Variants in JARID2 observed in about 807,000 individuals in gnomAD.
JARID2 encodes the protein protein Jumonji.
Under a neutral mutation model 125.6 loss-of-function variants are expected in JARID2, and 21 were observed. The observed-to-expected ratio is 0.17, with a 90% CI of 0.12 to 0.24. The LOEUF is 0.24. JARID2 is among the 10% of genes least tolerant of loss of function. The probability of loss-of-function intolerance (pLI) is 1.00; values close to 1 mark genes in which losing one functional copy is unlikely to be tolerated. For missense variants in JARID2, 1,303 were observed against 1,639.6 expected (o/e 0.79, Z 3.55); for synonymous variants, 736 against 661.6 (o/e 1.11, Z -1.73).
chr6:15,331,914 A>G (rs1183345751), intron 1 of JARID2, among the ~76,000 whole-genome samples: 1 of 152,154 alleles, frequency 6.6e-6, no homozygotes, highest in African/African-American at 2.4e-5. Context: ...AGAAAATTCT[A>G]ATTCATAAGT....
chr6:15,419,531 C>T (rs1019706706), intron 3 of JARID2, among the ~76,000 whole-genome samples: 2 of 152,120 alleles, frequency 1.3e-5, no homozygotes, highest in Non-Finnish European at 2.9e-5. Flanking sequence ...GTTGATCATT[C>T]AGCTTTTGTA....
chr6:15,484,263 G>T (rs1355813956), intron 5 of JARID2, among the ~76,000 whole-genome samples: 1 of 152,148 alleles, frequency 6.6e-6, no homozygotes, highest in South Asian at 2.1e-4. Flanking sequence ...AGTGATACTG[G>T]CAAGTGTTAG....
intron 1 of JARID2, among the ~76,000 whole-genome samples, chr6:15,334,738 A>AG (rs1179524549): frequency 1.3e-5 from 2 of 152,192 alleles, no homozygotes; most frequent in African/African-American, 2.4e-5. Context: ...CTCTAGATAC[A>AG]GAAGGCCTTT....
intron 2 of JARID2, among the ~76,000 whole-genome samples, chr6:15,399,202 CACCTCT>C (rs1765330283): frequency 6.6e-6 from 1 of 152,164 alleles, no homozygotes; most frequent in Non-Finnish European, 1.5e-5. Context: ...CATTGGAGAG[CACCTCT>C]TCTCCAGCCT....
chr6:15,362,541 G>A (rs1763835317), intron 1 of JARID2, among the ~76,000 whole-genome samples: 1 of 152,178 alleles, frequency 6.6e-6, no homozygotes, highest in Non-Finnish European at 1.5e-5. Context: ...CCTATGAGAT[G>A]CTCATACCTT....
intron 1 of JARID2, among the ~76,000 whole-genome samples, chr6:15,301,351 A>G (rs1322216981): frequency 6.6e-6 from 1 of 152,172 alleles, no homozygotes; most frequent in Non-Finnish European, 1.5e-5. Flanking sequence ...ACTTTCTGTC[A>G]TGAGTTCTAT....
At chr6:15,414,779 G>C (rs1230865264) in intron 3 of JARID2, among the ~76,000 whole-genome samples, 1 of 151,654 alleles carries the variant, frequency 6.6e-6, no homozygotes, top group Non-Finnish European at 1.5e-5. Context: ...TTTTTTAAAT[G>C]ATATATTTAC....
chr6:15,498,737 G>T lies in JARID2; in HGVS notation c.1945+1567G>T, dbSNP rs1034115970. On this transcript the variant is annotated intron_variant, in intron 7 of 17. Transcript: ENST00000341776. Reference sequence around the variant, plus strand: ...GAGTGACAGTCACCTTAACTTGCAAGAGTTCTTGGTTTGTGCTCTGCTGTT... The same window carrying T: ...GAGTGACAGTCACCTTAACTTGCAATAGTTCTTGGTTTGTGCTCTGCTGTT... Among the ~76,000 whole-genome samples, 3 of 152,252 alleles carry T rather than the reference G, an allele frequency of 2.0e-5. No individual in the cohort carries two copies. The East Asian group carries it at 5.8e-4, about 29-fold the overall frequency.
intron 2 of JARID2, chr6:15,400,883 C>A: frequency 7.8e-7 from 1 of 1,288,072 alleles, no homozygotes; most frequent in South Asian, 1.2e-5. Context: ...TGCCTCACTG[C>A]GCTCTTCCTC....
chr6:15,468,510 G>A, intron 4 of JARID2, 32 bp from the exon 5 acceptor site: 1 of 1,593,226 alleles, frequency 6.3e-7, no homozygotes, highest in Non-Finnish European at 8.6e-7. Context: ...GTCAAGGCCT[G>A]TGTTTATGAG....
intron 4 of JARID2, among the ~76,000 whole-genome samples, chr6:15,463,419 C>T (rs1003995556): frequency 1.6e-5 from 2 of 125,974 alleles, no homozygotes; most frequent in Non-Finnish European, 3.1e-5. Flanking sequence ...GTTGTGGAGC[C>T]CTTTCCTTTT....
chr6:15,426,382 G>T (rs1324455012), intron 3 of JARID2, among the ~76,000 whole-genome samples: 1 of 152,162 alleles, frequency 6.6e-6, no homozygotes, highest in Non-Finnish European at 1.5e-5. Context: ...TGAGCTGGAG[G>T]CAAGATGGTT....
intron 2 of JARID2, among the ~76,000 whole-genome samples, chr6:15,381,220 G>A (rs1396200915): frequency 3.3e-5 from 5 of 151,254 alleles, no homozygotes; most frequent in African/African-American, 1.2e-4. Context: ...TTAGCCGGGC[G>A]TGGTGGCGGG....
At chr6:15,368,630 G>A (rs1764057935) in intron 1 of JARID2, 1 of 453,360 alleles carries the variant, frequency 2.2e-6, no homozygotes. Flanking sequence ...GTCACGTAAG[G>A]AATGATTAAA....
intron 1 of JARID2, chr6:15,248,403 G>GGCGCGGGGAGGGGAGAGC (rs1214916606): frequency 2.9e-5 from 4 of 138,986 alleles, no homozygotes; most frequent in Non-Finnish European, 6.3e-5. Flanking sequence ...CGGCCTGCGG[G>GGCGCGGGGAGGGGAGAGC]GCGCGGGGAG....
In JARID2 at chr6:15,386,332, TTAAAC is replaced by T. The variant is rs527277325; in HGVS notation, c.181+12084_181+12088del. Among the ~76,000 whole-genome samples, 1,305 of 151,702 alleles carry T rather than the reference TTAAAC, an allele frequency of 8.6e-3. 21 individuals carry two copies. The highest frequency in any genetic ancestry group is 0.03 in the African/African-American group (1,224 of 41,386). ...TGTGGGTGTGTGTGTATGTGTGTGTTTAAACTAAGGAAAGCCTGTGAAACCACATA... is the reference window on the plus strand; with the variant it reads ...TGTGGGTGTGTGTGTATGTGTGTGTTTAAGGAAAGCCTGTGAAACCACATA... On this transcript the variant is annotated intron_variant, in intron 2 of 17. Coordinates refer to ENST00000341776, the MANE Select transcript of JARID2 (RefSeq NM_004973.4).
chr6:15,520,566 TTG>T lies in JARID2; in HGVS notation c.*317_*318del. 3.3e-6 allele frequency: 1 copy of T among 306,576 alleles called. No individual in the cohort carries two copies. The highest frequency in any genetic ancestry group is 6.3e-6 in the Non-Finnish European group (1 of 158,380). The allele number at this position is 306,576 out of a possible 1,614,324, so 19.0% of individuals were successfully genotyped here. A position where few individuals can be genotyped will look rare whatever the true frequency, so the allele number is the denominator to read the frequency against. ...TTTTTTGGTTTTGATTTTTTTTTTT[TTG>T]TAACTGTTGGGGGGAAAAAGGCTTT... On this transcript the variant is annotated 3_prime_UTR_variant, in exon 18 of 18. Transcript: ENST00000341776.
At chr6:15,473,514 G>GGCCCCCCCCC (rs1769181602) in intron 5 of JARID2, among the ~76,000 whole-genome samples, 2 of 35,068 alleles carry the variant, frequency 5.7e-5, no homozygotes, top group South Asian at 1.2e-3. Context: ...TGATGTGCGT[G>GGCCCCCCCCC]CCCCCCCCCC....
intron 1 of JARID2, among the ~76,000 whole-genome samples, chr6:15,259,455 G>A (rs1259659642): frequency 6.6e-6 from 1 of 152,156 alleles, no homozygotes; most frequent in Non-Finnish European, 1.5e-5. Flanking sequence ...TGGTTGCATG[G>A]TCTTGCCTTC....
Sources: allele counts gnomAD v4.1 joint callset (sites outside exome capture counted in the v4.1 genomes callset), GRCh38; gene constraint gnomAD v4.1.1; transcripts MANE v1.5; gene names NCBI Gene and HGNC (gene_info 2026-07-23, HGNC 2026-07-21).